MYH3: variants seen among roughly 807,000 people sequenced by gnomAD.
MYH3 encodes the protein myosin-3.
A neutral mutation model predicts 238.0 loss-of-function variants in MYH3; 130 were observed. The ratio of observed to expected loss-of-function variants is 0.55; its 90% CI spans 0.47 to 0.63. MYH3 has a LOEUF of 0.63. Ranked by LOEUF, MYH3 falls within the 30% of genes least tolerant of loss-of-function variation. MYH3 has a pLI of 0.00. For missense variants in MYH3, 1,853 were observed against 2,374.9 expected, an observed-to-expected ratio of 0.78 and a Z score of 4.57; for synonymous variants, 880 against 924.1, an observed-to-expected ratio of 0.95 and a Z score of 0.86.
the MYH3 span, among the ~76,000 whole-genome samples, chr17:10,662,846 G>A: frequency 6.6e-6 from 1 of 152,130 alleles, no homozygotes; most frequent in Non-Finnish European, 1.5e-5. Context: ...CAGCACTTTG[G>A]GAGGCTGAGG....
intron 4 of MYH3, 175 bp from the exon 5 acceptor site, chr17:10,651,843 A>G (rs2074379285): frequency 2.3e-6 from 2 of 868,608 alleles, no homozygotes; most frequent in Non-Finnish European, 3.4e-6. Flanking sequence ...TCCCGGGTTC[A>G]AGCAATTCTC....
At chr17:10,647,546 TTGTTTTGTTA>T in intron 8 of MYH3, 120 bp from the exon 9 acceptor site, 1 of 1,104,880 alleles carries the variant, frequency 9.1e-7, no homozygotes, top group Non-Finnish European at 1.3e-6. Context: ...TTGTTTTGTT[TTGTTTTGTTA>T]TGTTTTTGAG....
Position 10,638,270 on chromosome 17 carries a change from G to A in MYH3, c.3502C>T (p.Arg1168Trp), listed in dbSNP as rs771377160. The A allele has an allele frequency of 2.5e-5, 40 of 1,613,488 alleles. No homozygotes were observed. Among genetic ancestry groups the A allele is most frequent in the Middle Eastern group, 1.6e-4 (1 of 6,084 alleles). ...TSTQIELNKK[R>W]EAEFLKLRRD... is the part of the protein sequence containing the mutation. ...CGCAGCTTCAGGAACTCCGCCTCCC[G>A]CTTCTTGTTGAGCTCTATCTGCGTG... The change falls in exon 27 of 41, where the codon CGG (arginine) becomes TGG (tryptophan). Residue 1168 changes from arginine to tryptophan, a missense_variant. By Grantham distance (101) the Arg-to-Trp change is moderately radical. This residue lies in a region of MYH3 where 1,044 missense variants were observed against 1,192.6 expected (regional missense o/e 0.88). Coordinates refer to ENST00000583535, the MANE Select transcript of MYH3 (RefSeq NM_002470.4).
chr17:10,639,041 T>C lies in MYH3; in HGVS notation c.3248+3A>G, dbSNP rs1183950637. ...AATGGAAGCCAGTGGTTGAAGGGCA[T>C]ACTTCTTGAGCCTTTCGTCCAGCTG... On this transcript the variant is annotated splice_donor_region_variant and intron_variant, in intron 25 of 40. Coordinates refer to ENST00000583535, the MANE Select transcript of MYH3 (RefSeq NM_002470.4). The C allele has an allele frequency of 1.9e-6, 3 of 1,614,130 alleles. No homozygotes were observed. Among genetic ancestry groups the C allele is most frequent in the Non-Finnish European group, 1.7e-6 (2 of 1,180,052 alleles).
In MYH3 at chr17:10,645,932, T is replaced by C. The variant is rs777027079; in HGVS notation, c.999A>G (p.Thr333=). The change falls in exon 11 of 41, where the codon ACA becomes ACG. Residue 333 remains threonine (T), a synonymous_variant. Transcript: ENST00000583535. ...CCCTTCTGTTGGTTCCACTTACGTC[T>C]GTAGCCAGCAGCTCCTCTGCATCAT... ...SIDDAEELLA[T]DSAIDILGFT... 6.2e-7 allele frequency: 1 copy of C among 1,614,012 alleles called. No homozygotes were observed. Among genetic ancestry groups the C allele is most frequent in the Admixed American group, 1.7e-5 (1 of 60,014 alleles).
At chr17:10,632,427 T>G in intron 34 of MYH3, 49 bp downstream of exon 34, 110 of 1,588,836 alleles carry the variant, frequency 6.9e-5, no homozygotes, top group South Asian at 8.8e-5. Flanking sequence ...CCTACATTTC[T>G]GAGTATGTGA....
chr17:10,635,740 T>C lies in MYH3; in HGVS notation c.3970A>G (p.Asn1324Asp). ...EELKRQLEEE[N>D]KAKNALAHAL... ...GTCTTCCTTCAATGGTGTACCTTGT[T>C]CTCTTCCTCCAGCTGCCTCTTGAGC... The change falls in exon 29 of 41, where the codon AAC becomes GAC. Residue 1324 changes from asparagine to aspartate, a missense_variant. Transcript: ENST00000583535. 1 of 1,613,968 alleles carries C rather than the reference T, an allele frequency of 6.2e-7. No homozygotes were observed. Among genetic ancestry groups the C allele is most frequent in the Non-Finnish European group, 8.5e-7 (1 of 1,179,800 alleles).
rs778944739 is a variant in MYH3, at chr17:10,641,409, G to C, written c.1960-37C>G. The C allele has an allele frequency of 4.1e-6, 6 of 1,469,400 alleles. No individual in the cohort carries two copies. In the South Asian group the frequency reaches 6.8e-5, roughly 17 times the overall value. The allele number at this position is 1,469,400 out of a possible 1,614,324, so 91.0% of individuals were successfully genotyped here. A position where few individuals can be genotyped will look rare whatever the true frequency, so the allele number is the denominator to read the frequency against. ...AAAAAATGACATTTGCCATCCTACT[G>C]TAGGTTTTTATGAAGACAGAGATCC... On this transcript the variant is annotated intron_variant, in intron 17 of 40. Coordinates refer to ENST00000583535, the MANE Select transcript of MYH3 (RefSeq NM_002470.4).
upstream of MYH3, among the ~76,000 whole-genome samples, chr17:10,659,979 G>C (rs1300532864): frequency 2.0e-5 from 3 of 152,230 alleles, no homozygotes; most frequent in Admixed American, 6.5e-5. Flanking sequence ...TTTAGGAGAG[G>C]TGAGAACTGC....
chr17:10,677,694 G>C, the MYH3 span: 1 of 152,178 alleles, frequency 6.6e-6, no homozygotes, highest in Non-Finnish European at 1.5e-5. Context: ...CATGCCTACT[G>C]CATTGATAGG....
rs1307651658 is a variant in MYH3, at chr17:10,655,031, T to G, written c.34A>C (p.Ile12Leu). ...SSDTEMEVFG[I>L]AAPFLRKSEK... ...GACTTCCGGAGGAAAGGAGCAGCTA[T>G]GCCGAACACTTCCATTTCAGTGTCA... The change falls in exon 3 of 41, where the codon ATA becomes CTA. Residue 12 changes from isoleucine (I) to leucine (L), a missense_variant. Physicochemically the swap from Ile to Leu is conservative, Grantham distance 5. Around this residue, in one of 3 missense-constraint regions of MYH3, gnomAD observed 131 missense variants for 123.5 expected, o/e 1.06. Transcript: ENST00000583535. The G allele has an allele frequency of 3.7e-6, 6 of 1,614,230 alleles. No homozygotes were observed. The highest frequency in any genetic ancestry group is 1.7e-4 in the Middle Eastern group (1 of 6,060).
At chr17:10,640,785 A>G in intron 19 of MYH3, 99 bp from the exon 20 acceptor site, 1 of 1,434,312 alleles carries the variant, frequency 7.0e-7, no homozygotes, top group Non-Finnish European at 9.6e-7. Context: ...CAGAAGGCCA[A>G]GGTCCCAGGA....
chr17:10,654,790 A>G lies in MYH3; in HGVS notation c.204+71T>C, dbSNP rs1294662493. The G allele has an allele frequency of 2.1e-6, 3 of 1,415,600 alleles. No individual in the cohort carries two copies. The highest frequency in any genetic ancestry group is 4.6e-5 in the East Asian group (2 of 43,928). 87.7% of individuals were successfully genotyped at this position (1,415,600 alleles called of 1,614,324 possible). A position where few individuals can be genotyped will look rare whatever the true frequency, so the allele number is the denominator to read the frequency against. On this transcript the variant is annotated intron_variant, in intron 3 of 40. Coordinates refer to ENST00000583535, the MANE Select transcript of MYH3 (RefSeq NM_002470.4). The surrounding 1 kb of genome is among the most constrained non-coding windows in gnomAD (Gnocchi z 4.5). Reference sequence around the variant, plus strand: ...CATCTGGAAGTGGCTGGGGTTGGGCAGATGCATACCCCAGGCAAGCACAAG... The same window carrying G: ...CATCTGGAAGTGGCTGGGGTTGGGCGGATGCATACCCCAGGCAAGCACAAG...
In MYH3 at chr17:10,642,203, A is replaced by T; in HGVS notation, c.1959+37T>A. ...GCATTGCTCATTTAGATGTCACTTA[A>T]ATCAATTATAAGCAAATAAACTTGT... is the stretch of plus-strand genomic sequence containing the variant. On this transcript the variant is annotated intron_variant, in intron 17 of 40. Transcript: ENST00000583535. The surrounding 1 kb of genome is among the most constrained non-coding windows in gnomAD (Gnocchi z 5.4). The T allele has an allele frequency of 6.3e-7, 1 of 1,575,166 alleles. No homozygotes were observed. The highest frequency in any genetic ancestry group is 8.7e-7 in the Non-Finnish European group (1 of 1,146,920).
the MYH3 span, among the ~76,000 whole-genome samples, chr17:10,664,140 T>C: frequency 6.6e-6 from 1 of 151,550 alleles, no homozygotes; most frequent in African/African-American, 2.4e-5. Context: ...ATGAATATTA[T>C]GCCTGCTTTC....
At chr17:10,636,770 CG>C (rs1315867440) in intron 28 of MYH3, among the ~76,000 whole-genome samples, 1 of 151,882 alleles carries the variant, frequency 6.6e-6, no homozygotes, top group Non-Finnish European at 1.5e-5. Flanking sequence ...AAAAATTAGC[CG>C]TGTGTGTTGG....
upstream of MYH3, among the ~76,000 whole-genome samples, chr17:10,657,523 G>A (rs1438631973): frequency 6.6e-6 from 1 of 152,210 alleles, no homozygotes; most frequent in African/African-American, 2.4e-5. Context: ...AGCTTGGGAT[G>A]CCTTTCTCTG....
rs749176254 is a variant in MYH3, at chr17:10,629,411, CG to C, written c.5796+185del. On this transcript the variant is annotated intron_variant, in intron 40 of 40. Coordinates refer to ENST00000583535, the MANE Select transcript of MYH3 (RefSeq NM_002470.4). The stretch of plus-strand genomic sequence containing the variant: ...TCCATGGTGTACATGTGCAGGATGG[CG>C]GTTTTTATTGTGACTCACAGACCAG... Among the ~76,000 whole-genome samples, 18 of 152,202 alleles carry C rather than the reference CG, an allele frequency of 1.2e-4. No homozygotes were observed. In the East Asian group the frequency reaches 2.9e-3, roughly 25 times the overall value.
chr17:10,645,674 C>T (rs775204333), intron 12 of MYH3, 33 bp downstream of exon 12: 20 of 1,611,402 alleles, frequency 1.2e-5, no homozygotes, highest in East Asian at 4.5e-5. Flanking sequence ...GATCAGCCAC[C>T]CGCTCTGGTT....
Sources: gnomAD v4.1 joint callset for allele counts (sites outside exome capture counted in the v4.1 genomes callset) on GRCh38, gnomAD v4.1.1 for gene constraint, gnomAD v4.1.1 regional missense constraint, Gnocchi (gnomAD v3.1) non-coding constraint, MANE v1.5 for transcripts, NCBI Gene and HGNC (gene_info 2026-07-23, HGNC 2026-07-21) for gene names.